Variants in ROR1 observed in about 807,000 individuals in gnomAD.
The protein encoded by ROR1 is ROR family WNT receptor 1, also known as inactive tyrosine-protein kinase transmembrane receptor ROR1.
Under a neutral mutation model 78.8 loss-of-function variants are expected in ROR1, and 19 were observed. That is an observed-to-expected ratio of 0.24 (90% CI 0.17 to 0.35). The LOEUF is 0.35. ROR1 is among the 10% of genes least tolerant of loss of function. ROR1 has a pLI of 1.00. For missense variants in ROR1, 917 were observed against 1,177.8 expected (o/e 0.78, Z 3.24); for synonymous variants, 386 against 433.6 (o/e 0.89, Z 1.36).
At chr1:63,869,861 G>A (rs575017473) in intron 1 of ROR1, among the ~76,000 whole-genome samples, 1 of 152,350 alleles carries the variant, frequency 6.6e-6, no homozygotes, top group South Asian at 2.1e-4. Flanking sequence ...GACAGAGACA[G>A]AGGTAAGTAA....
intron 2 of ROR1, among the ~76,000 whole-genome samples, chr1:64,031,337 A>G (rs1646658209): frequency 6.6e-6 from 1 of 152,250 alleles, no homozygotes; most frequent in South Asian, 2.1e-4. Flanking sequence ...TGTAGAAGTC[A>G]GATGGATGAG....
chr1:63,989,842 A>C (rs2100519307), intron 1 of ROR1, among the ~76,000 whole-genome samples: 1 of 152,326 alleles, frequency 6.6e-6, no homozygotes, highest in Non-Finnish European at 1.5e-5. Flanking sequence ...TCCACATGAA[A>C]GAACAGATGC....
At chr1:64,098,112 C>T (rs942448) in intron 4 of ROR1, among the ~76,000 whole-genome samples, 58,541 of 151,902 alleles carry the variant, frequency 0.39, 12,648 homozygotes, top group Non-Finnish European at 0.5. Flanking sequence ...CTTTCAAATT[C>T]GTTCCAGGTA....
At chr1:63,839,101 G>T (rs1004320040) in intron 1 of ROR1, among the ~76,000 whole-genome samples, 3 of 152,162 alleles carry the variant, frequency 2.0e-5, no homozygotes, top group Admixed American at 6.5e-5. Context: ...GAACATATCT[G>T]TTGTTAAGTG....
intron 1 of ROR1, among the ~76,000 whole-genome samples, chr1:64,008,936 CTT>C (rs1384518377): frequency 6.6e-6 from 1 of 152,048 alleles, no homozygotes; most frequent in Admixed American, 6.6e-5. Context: ...CCCAGCGTGA[CTT>C]TTTAATGATA....
In ROR1 at chr1:64,090,025, G is replaced by A. The variant is rs1255887115; in HGVS notation, c.482+39309G>A. Among the ~76,000 whole-genome samples, 12 of 152,174 alleles carry A rather than the reference G, an allele frequency of 7.9e-5. No individual in the cohort carries two copies. The South Asian group carries it at 1.9e-3, about 24-fold the overall frequency. ...TCTTGCCTGCCTCCATGTAAGATGT[G>A]CCTTTCATCTTCCACCATGATTATG... is the stretch of plus-strand genomic sequence containing the variant. On this transcript the variant is annotated intron_variant, in intron 4 of 8. Coordinates refer to ENST00000371079, the MANE Select transcript of ROR1 (RefSeq NM_005012.4).
intron 1 of ROR1, among the ~76,000 whole-genome samples, chr1:64,001,329 G>A (rs1359049257): frequency 6.6e-6 from 1 of 152,234 alleles, no homozygotes; most frequent in African/African-American, 2.4e-5. Flanking sequence ...GTTGCCAGTG[G>A]TCAGGAATGG....
chr1:64,093,518 G>A (rs1483946600), intron 4 of ROR1, among the ~76,000 whole-genome samples: 2 of 151,972 alleles, frequency 1.3e-5, no homozygotes, highest in Non-Finnish European at 2.9e-5. Context: ...AGGGGTGGGA[G>A]GTAGGAGAAA....
chr1:64,027,597 A>G (rs1646624007), intron 2 of ROR1, among the ~76,000 whole-genome samples: 1 of 152,102 alleles, frequency 6.6e-6, no homozygotes, highest in African/African-American at 2.4e-5. Context: ...TATTCCTATT[A>G]TATTTCAACA....
At chr1:63,933,636 A>C (rs1162646463) in intron 1 of ROR1, among the ~76,000 whole-genome samples, 3 of 152,200 alleles carry the variant, frequency 2.0e-5, no homozygotes, top group Admixed American at 2.0e-4. Flanking sequence ...CGTTTTATCT[A>C]ATTGCAACAA....
chr1:63,837,279 C>A (rs1309417514), intron 1 of ROR1, among the ~76,000 whole-genome samples: 2 of 152,138 alleles, frequency 1.3e-5, no homozygotes, highest in African/African-American at 4.8e-5. Flanking sequence ...AAAAAATATG[C>A]ATACTATTAT....
intron 1 of ROR1, among the ~76,000 whole-genome samples, chr1:63,888,539 G>T (rs1335911422): frequency 1.3e-5 from 2 of 151,990 alleles, no homozygotes; most frequent in African/African-American, 4.8e-5. Context: ...AGGAGGATCA[G>T]TTGAGCTCAG....
rs114578526 is a variant in ROR1 at position 64,129,831 on chromosome 1, G to C, written c.483-7538G>C. 3.0e-3 allele frequency among the ~76,000 whole-genome samples: 450 copies of C among 152,248 alleles called. 2 individuals are homozygous for C. Among genetic ancestry groups the C allele is most frequent in the African/African-American group, 9.8e-3 (406 of 41,548 alleles). Reference sequence around the variant, plus strand: ...AATTACGTTTGTGAGATACAAGCCTGGGTAATTCTGCTCCTGTTCCAAGTG... The same window carrying C: ...AATTACGTTTGTGAGATACAAGCCTCGGTAATTCTGCTCCTGTTCCAAGTG... On this transcript the variant is annotated intron_variant, in intron 4 of 8. Coordinates refer to ENST00000371079, the MANE Select transcript of ROR1 (RefSeq NM_005012.4).
chr1:63,980,728 A>AG (rs1646203437), intron 1 of ROR1, among the ~76,000 whole-genome samples: 1 of 152,220 alleles, frequency 6.6e-6, no homozygotes, highest in Non-Finnish European at 1.5e-5. Context: ...GTTTAGCCAC[A>AG]GGGGATGGAA....
intron 2 of ROR1, among the ~76,000 whole-genome samples, chr1:64,023,871 A>G (rs1008976125): frequency 2.6e-5 from 4 of 152,122 alleles, no homozygotes; most frequent in African/African-American, 9.7e-5. Context: ...TGTAATCCAA[A>G]TTGTAATCCC....
At chr1:63,902,968 G>T (rs988402837) in intron 1 of ROR1, among the ~76,000 whole-genome samples, 1 of 152,176 alleles carries the variant, frequency 6.6e-6, no homozygotes, top group African/African-American at 2.4e-5. Context: ...TGGGCAAAGT[G>T]TAGGCACAAG....
intron 1 of ROR1, among the ~76,000 whole-genome samples, chr1:63,826,717 A>G (rs1340263782): frequency 6.6e-6 from 1 of 151,072 alleles, no homozygotes; most frequent in Non-Finnish European, 1.5e-5. Context: ...CCAATGGTAC[A>G]TTGTGGAGAA....
chr1:64,136,734 A>C (rs2100705731), intron 4 of ROR1, among the ~76,000 whole-genome samples: 1 of 152,304 alleles, frequency 6.6e-6, no homozygotes, highest in Admixed American at 6.5e-5. Context: ...AATTGTAGAG[A>C]AGCATGAAAG....
chr1:64,008,946 A>G (rs1172962358), intron 1 of ROR1, among the ~76,000 whole-genome samples: 3 of 151,976 alleles, frequency 2.0e-5, no homozygotes, highest in Admixed American at 6.6e-5. Flanking sequence ...CTTTTTAATG[A>G]TAGCCATTCT....
Sources: allele counts gnomAD v4.1 joint callset (sites outside exome capture counted in the v4.1 genomes callset), GRCh38; gene constraint gnomAD v4.1.1; transcripts MANE v1.5; gene names NCBI Gene and HGNC (gene_info 2026-07-23, HGNC 2026-07-21).